The following COL4A2 variants were observed in gnomAD, a reference collection of about 807,000 sequenced individuals.
The protein encoded by COL4A2 is collagen alpha-2(IV) chain.
COL4A2 carries 99 observed loss-of-function variants against 200.2 expected under a neutral mutation model. The ratio of observed to expected loss-of-function variants is 0.49; its 90% confidence interval spans 0.42 to 0.58. COL4A2 has a LOEUF of 0.58. Among genes scored for constraint, COL4A2 ranks in the 20% least tolerant of loss-of-function variants. COL4A2 has a pLI of 0.00. For missense variants in COL4A2, 1,950 were observed against 2,314.1 expected (o/e 0.84, Z 3.23); for synonymous variants, 897 against 900.6 (o/e 1.00, Z 0.07).
intron 20 of COL4A2, among the ~76,000 whole-genome samples, chr13:110,451,239 A>G (rs1881529001): frequency 1.3e-5 from 2 of 152,240 alleles, no homozygotes; most frequent in African/African-American, 4.8e-5. Flanking sequence ...TTTCAGCTTC[A>G]GCATTCAGAG....
chr13:110,503,031 G>A (rs951399647), intron 41 of COL4A2, 90 bp from the exon 42 acceptor site: 2 of 1,222,700 alleles, frequency 1.6e-6, no homozygotes, highest in African/African-American at 3.1e-5. Flanking sequence ...GCCAGAGACT[G>A]TCGCCTGAAT....
intron 47 of COL4A2, among the ~76,000 whole-genome samples, chr13:110,509,270 T>TATATACACACACACACACACACACACAC (rs1435137108): frequency 2.2e-4 from 26 of 115,568 alleles, no homozygotes; most frequent in African/African-American, 8.4e-4. Flanking sequence ...TATATATATA[T>TATATACACACACACACACACACACACAC]ACACACACAC....
At chr13:110,462,042 G>C (rs1324969754) in intron 22 of COL4A2, 72 bp from the exon 23 acceptor site, 7 of 1,583,750 alleles carry the variant, frequency 4.4e-6, no homozygotes, top group African/African-American at 1.3e-5. Context: ...AGATGAAAAA[G>C]CTTGCCAGCC....
At chr13:110,351,214 A>ATTTT (rs61206750) in intron 3 of COL4A2, among the ~76,000 whole-genome samples, 81 of 73,460 alleles carry the variant, frequency 1.1e-3, no homozygotes, top group African/African-American at 1.5e-3. Context: ...ACACCCAGCT[A>ATTTT]TTCTTTTTGT....
At chr13:110,319,124 G>C (rs536009224) in intron 3 of COL4A2, among the ~76,000 whole-genome samples, 2 of 151,956 alleles carry the variant, frequency 1.3e-5, no homozygotes, top group Non-Finnish European at 2.9e-5. Flanking sequence ...GGGGGCCTGT[G>C]GGGGGAGGTT....
rs531826777 is a variant in COL4A2 at position 110,473,415 on chromosome 13, A to G, written c.2425+265A>G. The G allele has an allele frequency of 1.6e-5, 7 of 431,086 alleles. No individual in the cohort carries two copies. In the South Asian group the frequency reaches 2.4e-4, roughly 14 times the overall value. 26.7% of individuals were successfully genotyped at this position (431,086 alleles called of 1,614,324 possible). A position where few individuals can be genotyped will look rare whatever the true frequency, so the allele number is the denominator to read the frequency against. On this transcript the variant is annotated intron_variant, in intron 29 of 47. Transcript: ENST00000360467. ...CTGATGTAATCTGTTGTCAAGTTGC[A>G]TATGCCTGGCTGTGACAGGGGCCGT...
chr13:110,488,505 C>G (rs941714061), intron 34 of COL4A2, among the ~76,000 whole-genome samples: 2 of 152,196 alleles, frequency 1.3e-5, no homozygotes, highest in Non-Finnish European at 2.9e-5. Flanking sequence ...GGCATCTTCT[C>G]AATTTCCTTA....
intron 34 of COL4A2, among the ~76,000 whole-genome samples, chr13:110,488,336 A>C (rs532204226): frequency 6.6e-6 from 1 of 152,124 alleles, no homozygotes; most frequent in Non-Finnish European, 1.5e-5. Flanking sequence ...AGCTATATTA[A>C]TACTGCAGCG....
chr13:110,468,287 G>A (rs1397812151), intron 27 of COL4A2: 2 of 471,590 alleles, frequency 4.2e-6, no homozygotes, highest in Non-Finnish European at 8.8e-6. Flanking sequence ...AACTGAGCTT[G>A]TATCTTCCGC....
rs1011410556 is a variant in COL4A2 at position 110,321,854 on chromosome 13, A to G, written c.99+13731A>G. Among the ~76,000 whole-genome samples the G allele has an allele frequency of 3.3e-5, 5 of 152,296 alleles. No individual in the cohort carries two copies. In the South Asian group the frequency reaches 8.3e-4, roughly 25 times the overall value. The stretch of plus-strand genomic sequence containing the variant: ...ATAAAACTAGATCTCAGGAGAACTC[A>G]CTATCATGAGAACAGTATGGGGGAA... On this transcript the variant is annotated intron_variant, in intron 3 of 47. Coordinates refer to ENST00000360467, the MANE Select transcript of COL4A2 (RefSeq NM_001846.4).
intron 4 of COL4A2, among the ~76,000 whole-genome samples, chr13:110,421,600 C>T (rs552935439): frequency 6.6e-6 from 1 of 152,292 alleles, no homozygotes; most frequent in African/African-American, 2.4e-5. Context: ...GGGTTTGGGG[C>T]TTCCTTTTGG....
intron 19 of COL4A2, 140 bp downstream of exon 19, chr13:110,449,929 G>A: frequency 1.1e-6 from 1 of 949,960 alleles, no homozygotes; most frequent in Non-Finnish European, 1.6e-6. Context: ...CAGCTCTAAG[G>A]AGCCCCGCAC....
chr13:110,318,494 C>T (rs1345966495), intron 3 of COL4A2, among the ~76,000 whole-genome samples: 2 of 152,292 alleles, frequency 1.3e-5, no homozygotes, highest in East Asian at 3.9e-4. Context: ...CATCAGCAAG[C>T]ACCTATAAGA....
chr13:110,473,139 C>CG lies in COL4A2; in HGVS notation c.2414_2415insG (p.Gly806TrpfsTer57). On this transcript the variant is annotated frameshift_variant, in exon 29 of 48. Coordinates refer to ENST00000360467, the MANE Select transcript of COL4A2 (RefSeq NM_001846.4). LOFTEE classifies it high-confidence loss of function. ...GGCCTTCCCGGAGACAGAGGCCCCCCTGGATTCAGAGGTGAGTGCCCCATC... is the reference window on the plus strand; with the variant it reads ...GGCCTTCCCGGAGACAGAGGCCCCCCGTGGATTCAGAGGTGAGTGCCCCATC... 2 of 1,556,284 alleles carry CG rather than the reference C, an allele frequency of 1.3e-6. No individual in the cohort carries two copies. The highest frequency in any genetic ancestry group is 1.7e-6 in the Non-Finnish European group (2 of 1,150,162).
intron 30 of COL4A2, 27 bp downstream of exon 30, chr13:110,478,191 A>G (rs1405206957): frequency 6.5e-7 from 1 of 1,531,356 alleles, no homozygotes; most frequent in African/African-American, 1.4e-5. Context: ...CCCATAAACG[A>G]GTGGGGTCCT....
At chr13:110,501,344 C>T (rs976159302) in intron 40 of COL4A2, among the ~76,000 whole-genome samples, 1 of 152,208 alleles carries the variant, frequency 6.6e-6, no homozygotes, top group African/African-American at 2.4e-5. Context: ...AGCTGTGCCT[C>T]GCCTGGTGCT....
chr13:110,332,313 G>A (rs1176597347), intron 3 of COL4A2, among the ~76,000 whole-genome samples: 2 of 152,108 alleles, frequency 1.3e-5, no homozygotes, highest in Non-Finnish European at 2.9e-5. Flanking sequence ...TAAAACCGCG[G>A]GATCTCCAAA....
chr13:110,449,868 G>A lies in COL4A2; in HGVS notation c.1189+79G>A, dbSNP rs75082893. ...TCCTAGCACACACAAGGGAGACTTCGTTGACGACGTAGCTATGTCGTTGTT... is the reference window on the plus strand; with the variant it reads ...TCCTAGCACACACAAGGGAGACTTCATTGACGACGTAGCTATGTCGTTGTT... On this transcript the variant is annotated intron_variant, in intron 19 of 47. Transcript: ENST00000360467. 2.4e-3 allele frequency: 3,436 copies of A among 1,416,412 alleles called. 72 individuals carry two copies. The African/African-American group carries it at 0.041, about 17-fold the overall frequency. 87.7% of individuals were successfully genotyped at this position (1,416,412 alleles called of 1,614,324 possible). A position where few individuals can be genotyped will look rare whatever the true frequency, so the allele number is the denominator to read the frequency against.
intron 21 of COL4A2, 105 bp from the exon 22 acceptor site, chr13:110,458,666 A>G: frequency 7.2e-7 from 1 of 1,389,266 alleles, no homozygotes; most frequent in Non-Finnish European, 1.0e-6. Context: ...AGTGTCCATA[A>G]AGCACCAAGT....
Sources: allele counts gnomAD v4.1 joint callset (sites outside exome capture counted in the v4.1 genomes callset), GRCh38; gene constraint gnomAD v4.1.1; transcripts MANE v1.5; gene names NCBI Gene and HGNC (gene_info 2026-07-23, HGNC 2026-07-21).